Variants in PUM3 observed in about 807,000 individuals in gnomAD.
PUM3 encodes pumilio homolog 3.
In PUM3, 91 loss-of-function variants were observed where a neutral mutation model predicts 84.0. The observed-to-expected ratio is 1.08, with a 90% CI of 0.91 to 1.29. The LOEUF is 1.29. PUM3 is among the 50% of genes most tolerant of loss of function. The probability of loss-of-function intolerance (pLI) is 0.00; values close to 1 mark genes in which losing one functional copy is unlikely to be tolerated. For missense variants in PUM3, 1,067 were observed against 767.5 expected (o/e 1.39, Z -4.61); for synonymous variants, 321 against 266.7 (o/e 1.20, Z -1.98).
At chr9:2,827,026 C>G in intron 10 of PUM3, 47 bp downstream of exon 10, 1 of 1,461,668 alleles carries the variant, frequency 6.8e-7, no homozygotes, top group African/African-American at 1.4e-5. Flanking sequence ...ATTTCTACAC[C>G]GCTCCTCCTC....
At chr9:2,804,531 C>G (rs1021776193) in intron 17 of PUM3, 68 bp from the exon 18 acceptor site, 1 of 1,454,596 alleles carries the variant, frequency 6.9e-7, no homozygotes, top group African/African-American at 1.4e-5. Context: ...CCTGTACCAA[C>G]AGTAAAAAAG....
intron 13 of PUM3, among the ~76,000 whole-genome samples, chr9:2,819,006 T>C (rs1008253059): frequency 2.0e-5 from 3 of 152,174 alleles, no homozygotes; most frequent in Non-Finnish European, 4.4e-5. Context: ...AAGTACCACA[T>C]GTCATCACTA....
intron 5 of PUM3, 91 bp from the exon 6 acceptor site, chr9:2,831,435 G>A: frequency 5.0e-6 from 4 of 800,450 alleles, no homozygotes; most frequent in South Asian, 3.1e-5. Flanking sequence ...TTTCTTGTTA[G>A]AAAAAAAGGT....
chr9:2,831,020 C>T lies in PUM3; in HGVS notation c.619G>A (p.Val207Ile), dbSNP rs771933148. The T allele has an allele frequency of 6.7e-7, 1 of 1,487,092 alleles. No individual in the cohort carries two copies. The highest frequency in any genetic ancestry group is 1.8e-5 in the Admixed American group (1 of 57,038). The allele number at this position is 1,487,092 out of a possible 1,614,324, so 92.1% of individuals were successfully genotyped here. ...QAFEELRDDL[V>I]ELSKAKYSRN... is the part of the protein sequence containing the mutation. ...GAATATTTGGCTTTACTTAACTCAA[C>T]CAAATCATCTGAAAAACAAAAATAC... The change falls in exon 7 of 18, where the codon GTT becomes ATT. Residue 207 changes from valine to isoleucine, a missense_variant. Physicochemically the swap from Val to Ile is conservative, Grantham distance 29. Coordinates refer to ENST00000397885, the MANE Select transcript of PUM3 (RefSeq NM_014878.5).
At chr9:2,826,568 C>T (rs1815825064) in intron 10 of PUM3, among the ~76,000 whole-genome samples, 1 of 152,216 alleles carries the variant, frequency 6.6e-6, no homozygotes, top group Admixed American at 6.5e-5. Context: ...GTTCAGGGAA[C>T]TAAATGATGA....
intron 13 of PUM3, among the ~76,000 whole-genome samples, chr9:2,814,258 C>CTAACCACCTCAAAATGAATAACTAAT (rs1554637029): frequency 1.8e-4 from 28 of 151,780 alleles, no homozygotes; most frequent in South Asian, 6.2e-4. Flanking sequence ...GTTGCCCAGG[C>CTAACCACCTCAAAATGAATAACTAAT]TGGAGTGCAG....
At chr9:2,828,911 C>T (rs1815898672) in intron 8 of PUM3, 133 bp from the exon 9 acceptor site, 5 of 662,028 alleles carry the variant, frequency 7.6e-6, no homozygotes, top group Non-Finnish European at 1.3e-5. Context: ...ATAATGAAAG[C>T]TCTGCTGTAT....
chr9:2,837,144 A>G (rs925987199), intron 3 of PUM3, 36 bp downstream of exon 3: 1 of 1,557,754 alleles, frequency 6.4e-7, no homozygotes, highest in Non-Finnish European at 8.9e-7. Context: ...ACAATCGTTC[A>G]GGCACTAGTT....
At chr9:2,824,618 C>T (rs1217361393) in intron 11 of PUM3, 99 bp downstream of exon 11, 2 of 703,932 alleles carry the variant, frequency 2.8e-6, no homozygotes, top group African/African-American at 3.7e-5. Context: ...GGGCAAAGAC[C>T]AAAGGGGGTT....
chr9:2,838,544 A>C (rs747564879), intron 1 of PUM3, 27 bp from the exon 2 acceptor site: 125 of 1,365,346 alleles, frequency 9.2e-5, no homozygotes, highest in South Asian at 1.7e-4. Flanking sequence ...AAAACCAAAA[A>C]CAATCACTGC....
At position 2,834,057 on chromosome 9, in the gene PUM3, T is replaced by C. The variant is rs1444652271; in HGVS notation, c.414A>G (p.Ala138=). Residue 138 remains alanine, a synonymous_variant, in exon 4 of 18, where the codon GCA becomes GCG. Transcript: ENST00000397885. ...DKTNYDIVVR[A]KQMWEILRRK... ...TTCTTAAAATCTCCCACATCTGCTT[T>C]GCCCGAACAACAATGTCATAGTTGG... 1.2e-6 allele frequency: 2 copies of C among 1,613,634 alleles called. No individual in the cohort carries two copies. Among genetic ancestry groups the C allele is most frequent in the East Asian group, 2.2e-5 (1 of 44,864 alleles).
intron 8 of PUM3, among the ~76,000 whole-genome samples, chr9:2,829,014 G>C (rs1013544363): frequency 6.6e-6 from 1 of 152,182 alleles, no homozygotes; most frequent in Non-Finnish European, 1.5e-5. Context: ...CCAGCTAACA[G>C]TTACTTGCCA....
At chr9:2,829,440 T>C (rs984388990) in intron 8 of PUM3, among the ~76,000 whole-genome samples, 16 of 152,124 alleles carry the variant, frequency 1.1e-4, no homozygotes, top group African/African-American at 3.6e-4. Flanking sequence ...CCAGAGCTGG[T>C]TGGGGGTGGT....
At chr9:2,830,712 T>A (rs548565779) in intron 7 of PUM3, among the ~76,000 whole-genome samples, 4 of 152,164 alleles carry the variant, frequency 2.6e-5, no homozygotes, top group African/African-American at 7.2e-5. Flanking sequence ...ATCAAAGTCA[T>A]AAATTTCAAG....
rs12351279 is a variant in PUM3, at chr9:2,819,230, T to C, written c.1269+788A>G. ...ACACTAAAAACAAAAGAAAAGACAA[T>C]TGTAGAATCAGAAAAAGAGACTATT... On this transcript the variant is annotated intron_variant, in intron 13 of 17. Coordinates refer to ENST00000397885, the MANE Select transcript of PUM3 (RefSeq NM_014878.5). 4.3e-4 allele frequency among the ~76,000 whole-genome samples: 65 copies of C among 152,236 alleles called. 1 individual carries two copies. Among genetic ancestry groups the C allele is most frequent in the African/African-American group, 1.4e-3 (57 of 41,534 alleles).
chr9:2,824,123 C>A (rs977927282), intron 11 of PUM3, among the ~76,000 whole-genome samples: 5 of 152,222 alleles, frequency 3.3e-5, no homozygotes, highest in African/African-American at 1.2e-4. Context: ...GATCCTTCTT[C>A]CAAGGTCTAA....
chr9:2,840,363 G>GTT (rs1816237201), intron 1 of PUM3, among the ~76,000 whole-genome samples: 1 of 152,106 alleles, frequency 6.6e-6, no homozygotes, highest in Non-Finnish European at 1.5e-5. Flanking sequence ...CCAGGCATAC[G>GTT]TTAAACTACC....
intron 15 of PUM3, among the ~76,000 whole-genome samples, chr9:2,810,682 T>C (rs1033119941): frequency 6.6e-6 from 1 of 152,194 alleles, no homozygotes; most frequent in Non-Finnish European, 1.5e-5. Context: ...CAGTCTCCGC[T>C]TCATTTAATC....
intron 13 of PUM3, among the ~76,000 whole-genome samples, chr9:2,819,074 A>G (rs1821531752): frequency 6.6e-6 from 1 of 152,238 alleles, no homozygotes; most frequent in Admixed American, 6.5e-5. Flanking sequence ...TGTAATTTTC[A>G]GATGAATAAC....
Sources: gnomAD v4.1 joint callset for allele counts (sites outside exome capture counted in the v4.1 genomes callset) on GRCh38, gnomAD v4.1.1 for gene constraint, MANE v1.5 for transcripts, NCBI Gene and HGNC (gene_info 2026-07-23, HGNC 2026-07-21) for gene names.